Variants in ATP8A2 observed in about 807,000 individuals in gnomAD.
ATP8A2 encodes the protein phospholipid-transporting ATPase IB.
In ATP8A2, 100 loss-of-function variants were observed where a neutral mutation model predicts 165.6. That is an observed-to-expected ratio of 0.60 (90% CI 0.51 to 0.71). The LOEUF (loss-of-function observed/expected upper bound fraction) is 0.71. Ranked by LOEUF, ATP8A2 falls within the 30% of genes least tolerant of loss-of-function variation. ATP8A2 has a pLI of 0.00. For synonymous variants in ATP8A2, 543 were observed against 548.8 expected (o/e 0.99, Z 0.15); for missense variants, 1,227 against 1,479.5 (o/e 0.83, Z 2.80).
At chr13:25,609,301 T>G (rs1019126586) in intron 24 of ATP8A2, among the ~76,000 whole-genome samples, 4 of 151,530 alleles carry the variant, frequency 2.6e-5, no homozygotes, top group Non-Finnish European at 4.4e-5. Context: ...AAGAGTACAA[T>G]GAAGAACTAA....
chr13:25,694,316 C>G (rs2042790567), intron 24 of ATP8A2, among the ~76,000 whole-genome samples: 1 of 152,188 alleles, frequency 6.6e-6, no homozygotes, highest in African/African-American at 2.4e-5. Flanking sequence ...ACGCATAAGT[C>G]CAGTGGGGAG....
At chr13:25,681,561 G>A (rs1034405794) in intron 24 of ATP8A2, among the ~76,000 whole-genome samples, 1 of 152,160 alleles carries the variant, frequency 6.6e-6, no homozygotes, top group Non-Finnish European at 1.5e-5. Flanking sequence ...CAGGGAGCTG[G>A]TCCGAGACGT....
At chr13:25,624,538 A>G (rs1006262461) in intron 24 of ATP8A2, among the ~76,000 whole-genome samples, 5 of 152,164 alleles carry the variant, frequency 3.3e-5, no homozygotes, top group African/African-American at 1.2e-4. Context: ...TTTTCTGAAT[A>G]TTTTCAATGG....
At chr13:25,604,841 G>C (rs1192582063) in intron 24 of ATP8A2, among the ~76,000 whole-genome samples, 1 of 152,156 alleles carries the variant, frequency 6.6e-6, no homozygotes, top group East Asian at 1.9e-4. Context: ...GTGAAATCTA[G>C]CTTTTGGAAG....
At chr13:25,417,140 C>A (rs530995872) in intron 1 of ATP8A2, among the ~76,000 whole-genome samples, 1 of 152,096 alleles carries the variant, frequency 6.6e-6, no homozygotes, top group East Asian at 1.9e-4. Context: ...ATCTTTGCAT[C>A]CTGAGACCTT....
At chr13:25,588,482 G>A (rs997627170) in intron 23 of ATP8A2, among the ~76,000 whole-genome samples, 9 of 152,146 alleles carry the variant, frequency 5.9e-5, no homozygotes, top group African/African-American at 7.2e-5. Flanking sequence ...TGCTAGCCAC[G>A]TGTAGCATCT....
intron 35 of ATP8A2, among the ~76,000 whole-genome samples, chr13:26,011,074 G>A (rs958057355): frequency 2.6e-5 from 4 of 152,164 alleles, no homozygotes; most frequent in African/African-American, 9.6e-5. Context: ...CAGGGTACAT[G>A]GGATTCAAGC....
chr13:25,393,704 C>T lies in ATP8A2; in HGVS notation c.76+21416C>T, dbSNP rs139909254. Among the ~76,000 whole-genome samples, 1,504 of 152,366 alleles carry T rather than the reference C, an allele frequency of 9.9e-3. 24 individuals are homozygous for T. The highest frequency in any genetic ancestry group is 0.034 in the African/African-American group (1,407 of 41,590). Reference sequence around the variant, plus strand: ...GTGCTGGGATTACAGGCATGAGCCACTGTGCCCAGCCCCTATTTATATACT... The same window carrying T: ...GTGCTGGGATTACAGGCATGAGCCATTGTGCCCAGCCCCTATTTATATACT... On this transcript the variant is annotated intron_variant, in intron 1 of 36. Coordinates refer to ENST00000381655, the MANE Select transcript of ATP8A2 (RefSeq NM_016529.6).
chr13:25,442,228 C>T (rs1361942237), intron 1 of ATP8A2, among the ~76,000 whole-genome samples: 1 of 152,080 alleles, frequency 6.6e-6, no homozygotes, highest in Non-Finnish European at 1.5e-5. Flanking sequence ...ATCTTTGAAC[C>T]CTGCTTTCCA....
chr13:25,526,402 AT>A lies in ATP8A2; in HGVS notation c.222-3594del. Among the ~76,000 whole-genome samples, 3 of 152,230 alleles carry A rather than the reference AT, an allele frequency of 2.0e-5. No homozygotes were observed. In the South Asian group the frequency reaches 6.2e-4, roughly 32 times the overall value. On this transcript the variant is annotated intron_variant, in intron 2 of 36. Transcript: ENST00000381655. ...GTTTGCATTGGAGAATTAGTTAGTT[AT>A]TTCAGTTTTCTCTGTCTGGATTCTT...
chr13:26,015,867 A>T (rs1277681156), intron 36 of ATP8A2, among the ~76,000 whole-genome samples: 2 of 152,190 alleles, frequency 1.3e-5, no homozygotes, highest in East Asian at 1.9e-4. Flanking sequence ...GAGTGCAAAG[A>T]GCTGGAGGCT....
At chr13:25,988,491 T>A (rs1051954255) in intron 35 of ATP8A2, among the ~76,000 whole-genome samples, 2 of 152,194 alleles carry the variant, frequency 1.3e-5, no homozygotes, top group African/African-American at 4.8e-5. Context: ...TGCACACACA[T>A]TACTTTTTTT....
intron 33 of ATP8A2, among the ~76,000 whole-genome samples, chr13:25,938,667 G>A (rs936984934): frequency 6.6e-6 from 1 of 152,130 alleles, no homozygotes; most frequent in Non-Finnish European, 1.5e-5. Flanking sequence ...CATCCACCAT[G>A]GAATAGAGCA....
rs117522911 is a variant in ATP8A2, at chr13:25,398,347, G to A, written c.76+26059G>A. ...TTTAATGTTAATGATGGTCATTTGC[G>A]CCTAAACATCAAAAGAGAGAATGTA... On this transcript the variant is annotated intron_variant, in intron 1 of 36. Transcript: ENST00000381655. Among the ~76,000 whole-genome samples, 955 of 152,184 alleles carry A rather than the reference G, an allele frequency of 6.3e-3. 4 individuals are homozygous for A. Among genetic ancestry groups the A allele is most frequent in the Non-Finnish European group, 9.8e-3 (665 of 68,012 alleles).
intron 33 of ATP8A2, among the ~76,000 whole-genome samples, chr13:25,936,989 A>G (rs531478623): frequency 2.0e-5 from 3 of 152,354 alleles, no homozygotes; most frequent in Admixed American, 2.0e-4. Context: ...TGTTTCCTTC[A>G]GTGTTTCCAA....
chr13:25,688,088 C>T (rs977629475), intron 24 of ATP8A2, among the ~76,000 whole-genome samples: 58 of 152,040 alleles, frequency 3.8e-4, no homozygotes, highest in Non-Finnish European at 5.6e-4. Flanking sequence ...GCCAGACATG[C>T]GGTGATCTTT....
intron 24 of ATP8A2, among the ~76,000 whole-genome samples, chr13:25,668,957 CT>C (rs913716814): frequency 1.3e-5 from 2 of 152,140 alleles, no homozygotes; most frequent in African/African-American, 2.4e-5. Flanking sequence ...ATTTCCTCTA[CT>C]TTTTTTGTCC....
At chr13:25,831,316 G>A (rs1456558436) in intron 28 of ATP8A2, among the ~76,000 whole-genome samples, 2 of 150,060 alleles carry the variant, frequency 1.3e-5, no homozygotes, top group Non-Finnish European at 3.0e-5. Context: ...CCGGGTTCAC[G>A]CCATTCTCCT....
chr13:25,905,326 C>T (rs1389389053), intron 33 of ATP8A2, among the ~76,000 whole-genome samples: 1 of 152,104 alleles, frequency 6.6e-6, no homozygotes, highest in Non-Finnish European at 1.5e-5. Context: ...TTTTCTCTTC[C>T]TCTCCGAATT....
Sources: gnomAD v4.1 joint callset for allele counts (sites outside exome capture counted in the v4.1 genomes callset) on GRCh38, gnomAD v4.1.1 for gene constraint, MANE v1.5 for transcripts, NCBI Gene and HGNC (gene_info 2026-07-23, HGNC 2026-07-21) for gene names.